WDR70: variants seen among roughly 807,000 people sequenced by gnomAD.
WDR70 encodes WD repeat-containing protein 70.
A neutral mutation model predicts 88.6 loss-of-function variants in WDR70; 53 were observed. The ratio of observed to expected loss-of-function variants is 0.60; its 90% CI spans 0.48 to 0.75. WDR70 has a LOEUF of 0.75. Ranked by LOEUF, WDR70 falls within the 30% of genes least tolerant of loss-of-function variation. WDR70 has a pLI of 0.00. For synonymous variants in WDR70, 280 were observed against 270.0 expected (o/e 1.04, Z -0.36); for missense variants, 610 against 823.2 (o/e 0.74, Z 3.17).
intron 10 of WDR70, among the ~76,000 whole-genome samples, chr5:37,681,337 G>A (rs4482927): frequency 0.37 from 56,944 of 151,942 alleles, 12,258 homozygotes; most frequent in Admixed American, 0.5. Flanking sequence ...GGCTGAGACT[G>A]TGAGGTTTTC....
chr5:37,596,705 A>T (rs1017287858), intron 9 of WDR70, among the ~76,000 whole-genome samples: 8 of 152,226 alleles, frequency 5.3e-5, no homozygotes, highest in African/African-American at 1.7e-4. Flanking sequence ...ATTGATATTT[A>T]TCACATATAT....
At chr5:37,665,230 T>G (rs1353238956) in intron 10 of WDR70, among the ~76,000 whole-genome samples, 1 of 152,212 alleles carries the variant, frequency 6.6e-6, no homozygotes, top group Non-Finnish European at 1.5e-5. Context: ...AGTTCTTCTT[T>G]CCATTCACCT....
intron 9 of WDR70, among the ~76,000 whole-genome samples, chr5:37,593,842 C>T (rs1743613269): frequency 6.6e-6 from 1 of 152,172 alleles, no homozygotes; most frequent in Non-Finnish European, 1.5e-5. Context: ...GATTGCCATT[C>T]TTACTGGCGT....
intron 5 of WDR70, among the ~76,000 whole-genome samples, chr5:37,414,421 T>C (rs1377527908): frequency 6.6e-6 from 1 of 152,202 alleles, no homozygotes. Flanking sequence ...GGCTCCCTTA[T>C]TTTGCTTGGA....
chr5:37,599,455 A>G (rs2112464745), intron 9 of WDR70, among the ~76,000 whole-genome samples: 1 of 152,364 alleles, frequency 6.6e-6, no homozygotes, highest in South Asian at 2.1e-4. Context: ...TAGACTTAGG[A>G]ATGAATGCTG....
intron 9 of WDR70, among the ~76,000 whole-genome samples, chr5:37,593,994 GTGT>G (rs1561915385): frequency 6.6e-6 from 1 of 152,046 alleles, no homozygotes; most frequent in East Asian, 1.9e-4. Context: ...CTTTTTGATG[GTGT>G]TGTTTTTTTC....
intron 15 of WDR70, 120 bp downstream of exon 15, chr5:37,723,054 C>A: frequency 8.3e-7 from 1 of 1,205,432 alleles, no homozygotes; most frequent in Non-Finnish European, 1.2e-6. Flanking sequence ...CAAAATTGCC[C>A]ATTCATGTGG....
At chr5:37,659,654 A>G (rs879768781) in intron 10 of WDR70, among the ~76,000 whole-genome samples, 6 of 152,230 alleles carry the variant, frequency 3.9e-5, no homozygotes, top group Non-Finnish European at 8.8e-5. Context: ...GGGAAGTTCA[A>G]GATCCAGGTG....
intron 5 of WDR70, among the ~76,000 whole-genome samples, chr5:37,415,590 G>A: frequency 6.9e-6 from 1 of 144,662 alleles, no homozygotes; most frequent in Non-Finnish European, 1.5e-5. Flanking sequence ...CTCCCGGACG[G>A]GGCGGCTGGC....
intron 8 of WDR70, among the ~76,000 whole-genome samples, chr5:37,497,675 T>C (rs1408130335): frequency 6.6e-6 from 1 of 152,124 alleles, no homozygotes; most frequent in African/African-American, 2.4e-5. Flanking sequence ...TCTCTTTTTT[T>C]AATTAATTAT....
At chr5:37,640,246 T>G (rs190784826) in intron 10 of WDR70, among the ~76,000 whole-genome samples, 1 of 152,318 alleles carries the variant, frequency 6.6e-6, no homozygotes, top group Non-Finnish European at 1.5e-5. Flanking sequence ...CTTTAAAAAT[T>G]CCTCAAATAC....
chr5:37,493,362 C>T (rs188675407), intron 8 of WDR70, among the ~76,000 whole-genome samples: 41 of 152,272 alleles, frequency 2.7e-4, no homozygotes, highest in Middle Eastern at 3.4e-3. Flanking sequence ...TCTTCAGGGT[C>T]AGCAAAGGAG....
intron 7 of WDR70, among the ~76,000 whole-genome samples, chr5:37,444,336 C>CTT (rs70978817): frequency 0.36 from 33,502 of 93,842 alleles, 7,923 homozygotes; most frequent in East Asian, 0.5. Flanking sequence ...CAGCCTTTCT[C>CTT]TTTTTTTTTT....
chr5:37,504,916 A>G (rs1399890846), intron 8 of WDR70, among the ~76,000 whole-genome samples: 1 of 152,216 alleles, frequency 6.6e-6, no homozygotes, highest in East Asian at 1.9e-4. Context: ...AGGCAGGTAC[A>G]GGCCCTTCCT....
At chr5:37,477,011 G>A (rs925183111) in intron 7 of WDR70, among the ~76,000 whole-genome samples, 2 of 152,176 alleles carry the variant, frequency 1.3e-5, no homozygotes, top group Admixed American at 1.3e-4. Context: ...AAGTGGACCC[G>A]TGCAGTTCAA....
intron 5 of WDR70, among the ~76,000 whole-genome samples, chr5:37,400,890 G>C (rs1291069213): frequency 6.6e-6 from 1 of 152,194 alleles, no homozygotes; most frequent in East Asian, 1.9e-4. Context: ...GCATGGCTGA[G>C]TTTTCTTACT....
intron 10 of WDR70, among the ~76,000 whole-genome samples, chr5:37,679,883 C>T (rs1231453138): frequency 6.6e-6 from 1 of 152,260 alleles, no homozygotes; most frequent in Non-Finnish European, 1.5e-5. Context: ...GTGGTGGGCT[C>T]CACCCAGTTG....
intron 9 of WDR70, among the ~76,000 whole-genome samples, chr5:37,550,892 G>C (rs893121110): frequency 1.3e-5 from 2 of 152,016 alleles, no homozygotes; most frequent in African/African-American, 4.8e-5. Flanking sequence ...TCTGTTGTAT[G>C]TTTTTTTGGT....
At chr5:37,409,849 T>C (rs1312598238) in intron 5 of WDR70, among the ~76,000 whole-genome samples, 1 of 152,136 alleles carries the variant, frequency 6.6e-6, no homozygotes, top group Non-Finnish European at 1.5e-5. Flanking sequence ...TTATTCACTC[T>C]TTCCCGTTAT....
Sources: allele counts gnomAD v4.1 joint callset (sites outside exome capture counted in the v4.1 genomes callset), GRCh38; gene constraint gnomAD v4.1.1; transcripts MANE v1.5; gene names NCBI Gene and HGNC (gene_info 2026-07-23, HGNC 2026-07-21).